Variants in PDZD8 observed in about 807,000 individuals in gnomAD.
PDZD8 encodes the protein PDZ domain containing 8.
Under a neutral mutation model 85.8 loss-of-function variants are expected in PDZD8, and 14 were observed. The ratio of observed to expected loss-of-function variants is 0.16; its 90% CI spans 0.11 to 0.26. The LOEUF is 0.26. Among genes scored for constraint, PDZD8 ranks in the 10% least tolerant of loss-of-function variants. The pLI, the probability that PDZD8 is intolerant of heterozygous loss-of-function variation, is 1.00. For missense variants in PDZD8, 1,197 were observed against 1,424.3 expected, an observed-to-expected ratio of 0.84 and a Z score of 2.57; for synonymous variants, 592 against 568.6, an observed-to-expected ratio of 1.04 and a Z score of -0.59.
intron 2 of PDZD8, among the ~76,000 whole-genome samples, chr10:117,333,600 G>A (rs1348584384): frequency 1.3e-5 from 2 of 152,060 alleles, no homozygotes; most frequent in Non-Finnish European, 2.9e-5. Flanking sequence ...TAACATAAAC[G>A]GGATTCATAG....
At position 117,341,077 on chromosome 10, in the gene PDZD8, T is replaced by G; in HGVS notation, c.898A>C (p.Thr300Pro). 3 of 1,613,584 alleles carry G rather than the reference T, an allele frequency of 1.9e-6. No individual in the cohort carries two copies. The highest frequency in any genetic ancestry group is 2.5e-6 in the Non-Finnish European group (3 of 1,179,648). ...IRFKPFFPYQ[T>P]LQGFEEDEEH... ...TCATCTTCTTCAAATCCTTGCAAGG[T>G]CTGGTATGGAAAAAACGGCTTAAAC... Residue 300 changes from threonine to proline, a missense_variant, in exon 2 of 5, where the codon ACC becomes CCC. Thr to Pro is a conservative substitution (Grantham distance 38). Transcript: ENST00000334464.
At chr10:117,323,267 T>G (rs941900595) in intron 2 of PDZD8, among the ~76,000 whole-genome samples, 2 of 152,142 alleles carry the variant, frequency 1.3e-5, no homozygotes, top group Admixed American at 6.5e-5. Context: ...AAAAATAGCT[T>G]TTATAAAAGA....
At chr10:117,287,771 A>G (rs1844691887) in intron 4 of PDZD8, among the ~76,000 whole-genome samples, 1 of 152,232 alleles carries the variant, frequency 6.6e-6, no homozygotes, top group Non-Finnish European at 1.5e-5. Flanking sequence ...TTGCTACGAA[A>G]TTTTCCTAAA....
At position 117,328,337 on chromosome 10, in the gene PDZD8, T is replaced by A. The variant is rs79058158; in HGVS notation, c.996-9363A>T. The stretch of plus-strand genomic sequence containing the variant: ...AGTGGCTCTATGTTGACTGTCAAGC[T>A]TTAATTCTCAGAAGAATTACAATAT... On this transcript the variant is annotated intron_variant, in intron 2 of 4. Coordinates refer to ENST00000334464, the MANE Select transcript of PDZD8 (RefSeq NM_173791.5). Among the ~76,000 whole-genome samples the A allele has an allele frequency of 4.9e-3, 739 of 152,302 alleles. 11 individuals are homozygous for A. Among genetic ancestry groups the A allele is most frequent in the African/African-American group, 0.017 (704 of 41,556 alleles).
In PDZD8 at chr10:117,371,734, T is replaced by C. The variant is rs1589600484; in HGVS notation, c.872+2622A>G. Among the ~76,000 whole-genome samples, 5 of 152,032 alleles carry C rather than the reference T, an allele frequency of 3.3e-5. No homozygotes were observed. In the East Asian group the frequency reaches 9.7e-4, roughly 30 times the overall value. Reference sequence around the variant, plus strand: ...AGGATCACTTGAATGAACCCAGGAGTTCCAGACTAGCCTGGGCAACAAAGC... The same window carrying C: ...AGGATCACTTGAATGAACCCAGGAGCTCCAGACTAGCCTGGGCAACAAAGC... On this transcript the variant is annotated intron_variant, in intron 1 of 4. Transcript: ENST00000334464.
intron 2 of PDZD8, among the ~76,000 whole-genome samples, chr10:117,335,632 T>G (rs532656777): frequency 6.6e-6 from 1 of 152,144 alleles, no homozygotes; most frequent in Admixed American, 6.6e-5. Context: ...GGGGGGAGAC[T>G]AAATCTGAAA....
chr10:117,312,523 T>C (rs1844056574), intron 3 of PDZD8, among the ~76,000 whole-genome samples: 1 of 152,202 alleles, frequency 6.6e-6, no homozygotes, highest in African/African-American at 2.4e-5. Context: ...AAATACAGCA[T>C]GTTTGTGTCT....
At position 117,285,334 on chromosome 10, in the gene PDZD8, C is replaced by T. The variant is rs1844643025; in HGVS notation, c.1399G>A (p.Glu467Lys). The T allele has an allele frequency of 1.2e-6, 2 of 1,614,146 alleles. No individual in the cohort carries two copies. Among genetic ancestry groups the T allele is most frequent in the African/African-American group, 1.3e-5 (1 of 75,038 alleles). ...VLQDNFGQLE[E>K]NFLSSSCQSG... ...TGGCATGAGCTTGACAAAAAGTTTT[C>T]TTCCAACTGGCCAAAGTTATCTTGC... The change falls in exon 5 of 5, where the codon GAA becomes AAA. Residue 467 changes from glutamate (E) to lysine (K), a missense_variant. Physicochemically the swap from Glu to Lys is moderately conservative, Grantham distance 56 (BLOSUM62 1). Around this residue, in one of 4 missense-constraint regions of PDZD8, gnomAD observed 263 missense variants for 261.9 expected, o/e 1.00. Transcript: ENST00000334464.
At chr10:117,288,802 C>G (rs1844710001) in intron 4 of PDZD8, among the ~76,000 whole-genome samples, 1 of 152,174 alleles carries the variant, frequency 6.6e-6, no homozygotes, top group Admixed American at 6.5e-5. Context: ...GCCACTGAGC[C>G]CGGCCTGTTG....
chr10:117,374,741 C>A lies in PDZD8; in HGVS notation c.487G>T (p.Val163Leu). 4 of 1,611,882 alleles carry A rather than the reference C, an allele frequency of 2.5e-6. No individual in the cohort carries two copies. The highest frequency in any genetic ancestry group is 3.4e-6 in the Non-Finnish European group (4 of 1,179,564). ...GTGGCCGAGGGCACGACTGGCCGCACGAGCCGGATGGTCTTGATGAAGGGC... is the reference window on the plus strand; with the variant it reads ...GTGGCCGAGGGCACGACTGGCCGCAAGAGCCGGATGGTCTTGATGAAGGGC... Reference protein sequence around the residue: ...TVPFIKTIRLVRPVVPSATGE... With the variant: ...TVPFIKTIRLLRPVVPSATGE... The change falls in exon 1 of 5, where the codon GTG (valine) becomes TTG (leucine). Residue 163 changes from valine (V) to leucine (L), a missense_variant. Around this residue, in one of 4 missense-constraint regions of PDZD8, gnomAD observed 344 missense variants for 453.6 expected, o/e 0.76. Coordinates refer to ENST00000334464, the MANE Select transcript of PDZD8 (RefSeq NM_173791.5). This position sits in a 1 kb window ranked among gnomAD's most constrained non-coding sequence, Gnocchi z 7.8.
At chr10:117,337,120 G>C (rs1844529254) in intron 2 of PDZD8, among the ~76,000 whole-genome samples, 1 of 151,204 alleles carries the variant, frequency 6.6e-6, no homozygotes, top group Admixed American at 6.6e-5. Flanking sequence ...TAACTAATCC[G>C]TAAAGTTTCC....
In PDZD8 at chr10:117,283,284, G is replaced by A. The variant is rs770480705; in HGVS notation, c.3449C>T (p.Pro1150Leu). The part of the protein sequence containing the change: ...FSSISDDLFG[P>L]SESV ...ACCTGTCTGCTACACAGACTCGGATGGGCCAAATAAGTCATCTGATATGCT... is the reference window on the plus strand; with the variant it reads ...ACCTGTCTGCTACACAGACTCGGATAGGCCAAATAAGTCATCTGATATGCT... The change falls in exon 5 of 5, where the codon CCA (proline) becomes CTA (leucine). Residue 1150 changes from proline to leucine, a missense_variant. Coordinates refer to ENST00000334464, the MANE Select transcript of PDZD8 (RefSeq NM_173791.5). 1.9e-6 allele frequency: 3 copies of A among 1,611,642 alleles called. No individual in the cohort carries two copies. The highest frequency in any genetic ancestry group is 2.5e-6 in the Non-Finnish European group (3 of 1,179,258).
rs952398045 is a variant in PDZD8, at chr10:117,318,884, ACTC to A, written c.1083_1085del (p.Arg361del). The A allele has an allele frequency of 6.3e-7, 1 of 1,598,784 alleles. No individual in the cohort carries two copies. Among genetic ancestry groups the A allele is most frequent in the South Asian group, 1.1e-5 (1 of 90,750 alleles). ...AAATCCATTTTACCGTCTTAATAGA[ACTC>A]CTCTGTTTTTCTTCCCAAACACTAC... On this transcript the variant is annotated inframe_deletion, in exon 3 of 5. Coordinates refer to ENST00000334464, the MANE Select transcript of PDZD8 (RefSeq NM_173791.5).
At chr10:117,334,024 T>C (rs1405607757) in intron 2 of PDZD8, among the ~76,000 whole-genome samples, 1 of 152,146 alleles carries the variant, frequency 6.6e-6, no homozygotes, top group Non-Finnish European at 1.5e-5. Flanking sequence ...TACAACAAAA[T>C]GAGGTGGCCA....
chr10:117,306,319 T>C (rs952006549), intron 3 of PDZD8, among the ~76,000 whole-genome samples: 1 of 152,236 alleles, frequency 6.6e-6, no homozygotes, highest in African/African-American at 2.4e-5. Flanking sequence ...TTCAAAAGGC[T>C]GTTAGGAAAA....
chr10:117,343,730 T>A (rs1450643763), intron 1 of PDZD8, among the ~76,000 whole-genome samples: 1 of 151,948 alleles, frequency 6.6e-6, no homozygotes, highest in Non-Finnish European at 1.5e-5. Context: ...GCTCAGGGGG[T>A]TTTGCTAAGA....
chr10:117,350,739 T>C (rs1233958097), intron 1 of PDZD8, among the ~76,000 whole-genome samples: 1 of 151,470 alleles, frequency 6.6e-6, no homozygotes, highest in Non-Finnish European at 1.5e-5. Context: ...CCGTCTCTAC[T>C]AAAAATACAA....
intron 3 of PDZD8, among the ~76,000 whole-genome samples, chr10:117,310,029 A>G (rs1844009236): frequency 6.6e-6 from 1 of 152,170 alleles, no homozygotes; most frequent in South Asian, 2.1e-4. Flanking sequence ...TGTGGTATTT[A>G]AAGTCCTCTA....
chr10:117,352,902 G>C (rs1309334052), intron 1 of PDZD8, among the ~76,000 whole-genome samples: 1 of 152,110 alleles, frequency 6.6e-6, no homozygotes, highest in Non-Finnish European at 1.5e-5. Context: ...GGGGTGGCCA[G>C]CTAACAGGGG....
Sources: allele counts gnomAD v4.1 joint callset (sites outside exome capture counted in the v4.1 genomes callset), GRCh38; gene constraint gnomAD v4.1.1; regional missense constraint gnomAD v4.1.1; non-coding constraint Gnocchi (gnomAD v3.1); transcripts MANE v1.5; gene names NCBI Gene and HGNC (gene_info 2026-07-23, HGNC 2026-07-21).